The following CDH20 variants were observed in gnomAD, a reference collection of about 807,000 sequenced individuals.
The protein encoded by CDH20 is cadherin-20.
CDH20 carries 29 observed loss-of-function variants against 74.2 expected under a neutral mutation model. The observed-to-expected ratio is 0.39, with a 90% CI of 0.29 to 0.53. The LOEUF is 0.53. Ranked by LOEUF, CDH20 falls within the 20% of genes least tolerant of loss-of-function variation. CDH20 has a pLI of 0.69. For missense variants in CDH20, 988 were observed against 1,048.3 expected, an observed-to-expected ratio of 0.94 and a Z score of 0.79; for synonymous variants, 469 against 405.4, an observed-to-expected ratio of 1.16 and a Z score of -1.88.
At chr18:61,471,215 G>A (rs1389587970) in intron 1 of CDH20, among the ~76,000 whole-genome samples, 1 of 152,114 alleles carries the variant, frequency 6.6e-6, no homozygotes, top group Non-Finnish European at 1.5e-5. Flanking sequence ...TTGTAGATAA[G>A]GTCACTTTAA....
intron 1 of CDH20, among the ~76,000 whole-genome samples, chr18:61,487,621 C>T (rs1910811940): frequency 6.6e-6 from 1 of 152,074 alleles, no homozygotes; most frequent in African/African-American, 2.4e-5. Flanking sequence ...CCCAAAGTCA[C>T]CTTTGTACGT....
Position 61,550,439 on chromosome 18 carries a change from C to T in CDH20, c.1900+210C>T, listed in dbSNP as rs139949067. ...CTGTGGCAAGATCAAAGCACATATA[C>T]TTATAAAGTATCTACTATGAGCTGG... On this transcript the variant is annotated intron_variant, in intron 11 of 11. Coordinates refer to ENST00000262717, the MANE Select transcript of CDH20 (RefSeq NM_031891.4). Among the ~76,000 whole-genome samples, 544 of 152,328 alleles carry T rather than the reference C, an allele frequency of 3.6e-3. 3 individuals are homozygous for T. Among genetic ancestry groups the T allele is most frequent in the African/African-American group, 0.012 (512 of 41,576 alleles).
intron 1 of CDH20, among the ~76,000 whole-genome samples, chr18:61,339,316 TTTTTA>T (rs201050382): frequency 0.025 from 3,839 of 151,998 alleles, 70 homozygotes; most frequent in Middle Eastern, 0.078. Flanking sequence ...TACTGAGTCT[TTTTTA>T]TTTTATTTTA....
intron 1 of CDH20, among the ~76,000 whole-genome samples, chr18:61,348,977 C>T (rs1417525165): frequency 2.0e-5 from 3 of 152,002 alleles, no homozygotes; most frequent in Non-Finnish European, 4.4e-5. Flanking sequence ...AGAATCTAGG[C>T]GTTGCTTTGT....
chr18:61,386,727 T>C (rs1486135194), intron 1 of CDH20, among the ~76,000 whole-genome samples: 8 of 152,202 alleles, frequency 5.3e-5, no homozygotes, highest in African/African-American at 1.9e-4. Flanking sequence ...TTTGACAGAA[T>C]GTTAAGCTTT....
At chr18:61,473,833 T>C (rs1282039367) in intron 1 of CDH20, among the ~76,000 whole-genome samples, 1 of 152,196 alleles carries the variant, frequency 6.6e-6, no homozygotes, top group Non-Finnish European at 1.5e-5. Context: ...TCATAAAAAA[T>C]ATCTTTTTAA....
chr18:61,469,521 T>G (rs1320027338), intron 1 of CDH20, among the ~76,000 whole-genome samples: 3 of 152,204 alleles, frequency 2.0e-5, no homozygotes, highest in Non-Finnish European at 4.4e-5. Context: ...GGTAAGGCCT[T>G]GTCTCCTCTC....
intron 5 of CDH20, among the ~76,000 whole-genome samples, chr18:61,503,608 C>T (rs764572991): frequency 2.6e-4 from 39 of 152,336 alleles, no homozygotes; most frequent in Non-Finnish European, 1.2e-4. Context: ...TCACCAATCA[C>T]TCCAGTAGGT....
chr18:61,494,280 G>T (rs1405123037), intron 2 of CDH20, among the ~76,000 whole-genome samples: 1 of 152,160 alleles, frequency 6.6e-6, no homozygotes, highest in African/African-American at 2.4e-5. Context: ...GTTTAGGTGG[G>T]ATCAGGAATC....
intron 4 of CDH20, among the ~76,000 whole-genome samples, chr18:61,501,681 G>A (rs572383483): frequency 6.6e-6 from 1 of 152,138 alleles, no homozygotes; most frequent in African/African-American, 2.4e-5. Flanking sequence ...TATCATAAAA[G>A]TAGTAAGGGA....
intron 6 of CDH20, among the ~76,000 whole-genome samples, chr18:61,523,746 A>C (rs1912293234): frequency 6.6e-6 from 1 of 152,230 alleles, no homozygotes; most frequent in Admixed American, 6.5e-5. Context: ...GCCATAAAAA[A>C]GGAGGAGTTC....
chr18:61,521,966 T>C (rs527949870), intron 6 of CDH20, among the ~76,000 whole-genome samples: 1 of 152,198 alleles, frequency 6.6e-6, no homozygotes, highest in Non-Finnish European at 1.5e-5. Flanking sequence ...AATATTATAC[T>C]GATTGGGCAA....
At chr18:61,544,350 C>T (rs1913150823) in intron 9 of CDH20, among the ~76,000 whole-genome samples, 1 of 152,224 alleles carries the variant, frequency 6.6e-6, no homozygotes. Context: ...CTGCAGACGG[C>T]TTGTATTAGC....
rs141408657 is a variant in CDH20 at position 61,350,972 on chromosome 18, T to G, written c.-153+17145T>G. 2.8e-3 allele frequency among the ~76,000 whole-genome samples: 424 copies of G among 152,298 alleles called. 4 individuals carry two copies. Among genetic ancestry groups the G allele is most frequent in the African/African-American group, 9.6e-3 (400 of 41,560 alleles). ...CCTGTGTGCCCAGGAAGAGGAAATGTGACACATTAGCGTCTTCCAGTCTCT... is the reference window on the plus strand; with the variant it reads ...CCTGTGTGCCCAGGAAGAGGAAATGGGACACATTAGCGTCTTCCAGTCTCT... On this transcript the variant is annotated intron_variant, in intron 1 of 11. Coordinates refer to ENST00000262717, the MANE Select transcript of CDH20 (RefSeq NM_031891.4).
At chr18:61,541,819 G>T (rs1321923479) in intron 9 of CDH20, among the ~76,000 whole-genome samples, 1 of 152,182 alleles carries the variant, frequency 6.6e-6, no homozygotes, top group African/African-American at 2.4e-5. Flanking sequence ...AGCCCATAAA[G>T]AAATCAGATA....
At chr18:61,455,127 T>A (rs1235427332) in intron 1 of CDH20, among the ~76,000 whole-genome samples, 1 of 152,202 alleles carries the variant, frequency 6.6e-6, no homozygotes, top group Non-Finnish European at 1.5e-5. Context: ...CTAAATGGTA[T>A]GACAGGCATT....
rs549012544 is a variant in CDH20 at position 61,494,138 on chromosome 18, G to A, written c.246+3339G>A. Reference sequence around the variant, plus strand: ...TATGTTCATTGCCCAAAGTTAGACCGAAGGTAGCAGGGAAGCCCAGACTGA... The same window carrying A: ...TATGTTCATTGCCCAAAGTTAGACCAAAGGTAGCAGGGAAGCCCAGACTGA... On this transcript the variant is annotated intron_variant, in intron 2 of 11. Transcript: ENST00000262717. 5.7e-4 allele frequency among the ~76,000 whole-genome samples: 87 copies of A among 152,274 alleles called. 2 individuals are homozygous for A. Among genetic ancestry groups the A allele is most frequent in the South Asian group, 4.4e-3 (21 of 4,812 alleles).
At position 61,490,464 on chromosome 18, in the gene CDH20, T is replaced by G; in HGVS notation, c.-90T>G. ...TCATTTAGGAAGCATAAGTGTCCAATCAAAAACTGTGTATTTTTTTAAATT... is the reference window on the plus strand; with the variant it reads ...TCATTTAGGAAGCATAAGTGTCCAAGCAAAAACTGTGTATTTTTTTAAATT... On this transcript the variant is annotated 5_prime_UTR_variant, in exon 2 of 12. Transcript: ENST00000262717. The G allele has an allele frequency of 7.5e-7, 1 of 1,338,978 alleles. No homozygotes were observed. The highest frequency in any genetic ancestry group is 1.9e-4 in the Middle Eastern group (1 of 5,334). 82.9% of individuals were successfully genotyped at this position (1,338,978 alleles called of 1,614,324 possible).
intron 3 of CDH20, 72 bp downstream of exon 3, chr18:61,499,552 ATG>A: frequency 2.2e-5 from 23 of 1,060,904 alleles, no homozygotes; most frequent in Non-Finnish European, 2.7e-5. Context: ...ACATATGCAC[ATG>A]CACACACACA....
Sources: gnomAD v4.1 joint callset for allele counts (sites outside exome capture counted in the v4.1 genomes callset) on GRCh38, gnomAD v4.1.1 for gene constraint, MANE v1.5 for transcripts, NCBI Gene and HGNC (gene_info 2026-07-23, HGNC 2026-07-21) for gene names.